NFXL1: variants seen among roughly 807,000 people sequenced by gnomAD.
The protein encoded by NFXL1 is nuclear transcription factor, X-box binding like 1.
Under a neutral mutation model 123.3 loss-of-function variants are expected in NFXL1, and 66 were observed. The ratio of observed to expected loss-of-function variants is 0.54; its 90% CI spans 0.44 to 0.66. NFXL1 has a LOEUF of 0.66. Ranked by LOEUF, NFXL1 falls within the 30% of genes least tolerant of loss-of-function variation. NFXL1 has a pLI of 0.00. For missense variants in NFXL1, 944 were observed against 1,125.6 expected (o/e 0.84, Z 2.31); for synonymous variants, 346 against 360.8 (o/e 0.96, Z 0.46).
chr4:47,859,841 CAAAAAAAAAAAA>C (rs938207203), intron 19 of NFXL1, among the ~76,000 whole-genome samples: 810 of 14,278 alleles, frequency 0.057, 12 homozygotes, highest in African/African-American at 0.2. Flanking sequence ...GACTCCATCT[CAAAAAAAAAAAA>C]AAAAAAAAAA....
intron 10 of NFXL1, among the ~76,000 whole-genome samples, chr4:47,894,917 C>T (rs6845451): frequency 0.83 from 125,717 of 152,104 alleles, 52,176 homozygotes; most frequent in East Asian, 0.98. Context: ...ACGGCAGCTA[C>T]AGCCTTAGGA....
At chr4:47,875,423 C>A in intron 17 of NFXL1, 130 bp from the exon 18 acceptor site, 1 of 574,956 alleles carries the variant, frequency 1.7e-6, no homozygotes, top group Non-Finnish European at 3.0e-6. Flanking sequence ...CAGAGTTAAT[C>A]AAACGGTACA....
intron 18 of NFXL1, among the ~76,000 whole-genome samples, chr4:47,869,072 A>T (rs1735276840): frequency 6.6e-6 from 1 of 152,128 alleles, no homozygotes; most frequent in Non-Finnish European, 1.5e-5. Flanking sequence ...AAGTTTCTTA[A>T]AAATTATCCA....
At chr4:47,884,759 C>T (rs904039298) in intron 14 of NFXL1, among the ~76,000 whole-genome samples, 9 of 152,212 alleles carry the variant, frequency 5.9e-5, no homozygotes, top group Admixed American at 4.6e-4. Flanking sequence ...TGAATATAAT[C>T]TCCATCATTT....
intron 9 of NFXL1, 32 bp downstream of exon 9, chr4:47,897,935 C>A: frequency 1.5e-6 from 2 of 1,330,578 alleles, no homozygotes; most frequent in Non-Finnish European, 1.1e-6. Context: ...CAGATCATTT[C>A]CTATATAAAT....
At chr4:47,878,948 T>A in intron 16 of NFXL1, 148 bp downstream of exon 16, 1 of 546,960 alleles carries the variant, frequency 1.8e-6, no homozygotes, top group Non-Finnish European at 3.2e-6. Flanking sequence ...TACATATTTT[T>A]TAAATTAGTA....
At position 47,885,940 on chromosome 4, in the gene NFXL1, C is replaced by A. The variant is rs774410666; in HGVS notation, c.1603G>T (p.Val535Leu). 1.4e-5 allele frequency: 22 copies of A among 1,613,734 alleles called. No individual in the cohort carries two copies. The South Asian group carries it at 2.3e-4, about 17-fold the overall frequency. Residue 535 changes from valine to leucine, a missense_variant, in exon 13 of 23, where the codon GTG becomes TTG. Val to Leu is a conservative substitution (Grantham distance 32). Transcript: ENST00000507489. ...DVKCNCGNTK[V>L]TVPCGRERTT... is the part of the protein sequence containing the mutation. ...CGTTCTCGGCCACAGGGCACTGTCA[C>A]CTTTGTATTGCCACAATTACACTTC...
intron 1 of NFXL1, 21 bp from the exon 2 acceptor site, chr4:47,914,226 A>T: frequency 6.9e-7 from 1 of 1,452,672 alleles, no homozygotes; most frequent in Non-Finnish European, 9.1e-7. Context: ...GAAAAAAAAA[A>T]AAAAGAGTGG....
chr4:47,859,980 A>G (rs1157846112), intron 19 of NFXL1, among the ~76,000 whole-genome samples: 1 of 152,096 alleles, frequency 6.6e-6, no homozygotes, highest in Non-Finnish European at 1.5e-5. Flanking sequence ...CAGTGACTGA[A>G]GGACAGAAGG....
At chr4:47,914,281 C>G in intron 1 of NFXL1, 76 bp from the exon 2 acceptor site, 1 of 1,173,762 alleles carries the variant, frequency 8.5e-7, no homozygotes, top group South Asian at 1.7e-5. Context: ...AGGGTCAGTG[C>G]GGAAACCCGG....
chr4:47,871,419 ATACTT>A (rs2110060182), intron 18 of NFXL1, among the ~76,000 whole-genome samples: 1 of 152,276 alleles, frequency 6.6e-6, no homozygotes, highest in South Asian at 2.1e-4. Context: ...ATGCTCTAGA[ATACTT>A]TATGTAGTAT....
chr4:47,889,010 CAG>C, intron 12 of NFXL1, among the ~76,000 whole-genome samples: 1 of 152,086 alleles, frequency 6.6e-6, no homozygotes, highest in Non-Finnish European at 1.5e-5. Context: ...AAATATGAGA[CAG>C]GGAAATGCTT....
Position 47,896,512 on chromosome 4 carries a change from A to T in NFXL1, c.1329+11T>A. 1 of 1,607,050 alleles carries T rather than the reference A, an allele frequency of 6.2e-7. No individual in the cohort carries two copies. The highest frequency in any genetic ancestry group is 8.5e-7 in the Non-Finnish European group (1 of 1,173,806). ...AGCTCTTAAAAGTAATTATTACAGG[A>T]GATGACTAACTTGTCTACATGTTTC... On this transcript the variant is annotated intron_variant, in intron 10 of 22. Transcript: ENST00000507489.
At chr4:47,859,841 C>CAAAAAAAAAAAAAAA (rs938207203) in intron 19 of NFXL1, among the ~76,000 whole-genome samples, 4 of 14,314 alleles carry the variant, frequency 2.8e-4, no homozygotes, top group African/African-American at 7.6e-4. Context: ...GACTCCATCT[C>CAAAAAAAAAAAAAAA]AAAAAAAAAA....
At chr4:47,906,845 G>C (rs1374050009) in intron 3 of NFXL1, among the ~76,000 whole-genome samples, 3 of 152,140 alleles carry the variant, frequency 2.0e-5, no homozygotes, top group Admixed American at 1.3e-4. Context: ...CATCACAGCG[G>C]ATAGCATGCT....
At chr4:47,868,599 C>T (rs931202810) in intron 18 of NFXL1, among the ~76,000 whole-genome samples, 1 of 149,568 alleles carries the variant, frequency 6.7e-6, no homozygotes, top group Admixed American at 6.6e-5. Context: ...AACCACTAAA[C>T]GAAAACAAAC....
chr4:47,875,386 A>T, intron 17 of NFXL1, 93 bp from the exon 18 acceptor site: 1 of 855,410 alleles, frequency 1.2e-6, no homozygotes, highest in Non-Finnish European at 1.8e-6. Flanking sequence ...TCCCATTAAA[A>T]TAAAGTACTT....
chr4:47,877,548 T>G (rs1560590631), intron 17 of NFXL1, among the ~76,000 whole-genome samples: 1 of 152,092 alleles, frequency 6.6e-6, no homozygotes, highest in Non-Finnish European at 1.5e-5. Flanking sequence ...CCTAACTAGT[T>G]AAAATGATTT....
chr4:47,856,053 A>G (rs1385589447), intron 19 of NFXL1, among the ~76,000 whole-genome samples: 1 of 152,114 alleles, frequency 6.6e-6, no homozygotes, highest in African/African-American at 2.4e-5. Context: ...GCAAAAAAAC[A>G]ATTTTTTTTA....
Sources: gnomAD v4.1 joint callset for allele counts (sites outside exome capture counted in the v4.1 genomes callset) on GRCh38, gnomAD v4.1.1 for gene constraint, MANE v1.5 for transcripts, NCBI Gene and HGNC (gene_info 2026-07-23, HGNC 2026-07-21) for gene names.